Variants in GSE1 observed in about 807,000 individuals in gnomAD.
GSE1 encodes genetic suppressor element 1.
A neutral mutation model predicts 112.6 loss-of-function variants in GSE1; 32 were observed. The observed-to-expected ratio is 0.28, with a 90% confidence interval of 0.21 to 0.38. GSE1 has a LOEUF of 0.38. GSE1 is among the 10% of genes least tolerant of loss of function. The pLI is 1.00. For missense variants in GSE1, 2,348 were observed against 1,699.2 expected, an observed-to-expected ratio of 1.38 and a Z score of -6.71; for synonymous variants, 1,115 against 735.6, an observed-to-expected ratio of 1.52 and a Z score of -8.35.
chr16:85,673,512 G>A lies in GSE1; in HGVS notation c.*973G>A, dbSNP rs368658638. The A allele has an allele frequency of 3.5e-5, 5 of 143,882 alleles. No individual in the cohort carries two copies. The highest frequency in any genetic ancestry group is 7.6e-5 in the Non-Finnish European group (5 of 66,100). 8.9% of individuals were successfully genotyped at this position (143,882 alleles called of 1,614,324 possible). A position where few individuals can be genotyped will look rare whatever the true frequency, so the allele number is the denominator to read the frequency against. On this transcript the variant is annotated 3_prime_UTR_variant, in exon 16 of 16. Coordinates refer to ENST00000253458, the MANE Select transcript of GSE1 (RefSeq NM_014615.5). The stretch of plus-strand genomic sequence containing the variant: ...AAAAAAAACCTTGCTTTTAGTGTTT[G>A]TACTGCTGCTGGTCAGGACATTAAA...
intron 1 of GSE1, among the ~76,000 whole-genome samples, chr16:85,175,895 G>A (rs1023003092): frequency 1.3e-5 from 2 of 152,156 alleles, no homozygotes; most frequent in Non-Finnish European, 2.9e-5. Flanking sequence ...CTTGTCCAAG[G>A]TCACTCAGCT....
intron 1 of GSE1, among the ~76,000 whole-genome samples, chr16:85,235,245 C>T (rs975317727): frequency 2.0e-5 from 3 of 152,044 alleles, no homozygotes; most frequent in East Asian, 1.9e-4. Context: ...AAGCTCCCAA[C>T]CCCCCGGCCG....
At chr16:85,318,298 C>G (rs2046028210) in intron 1 of GSE1, among the ~76,000 whole-genome samples, 1 of 152,208 alleles carries the variant, frequency 6.6e-6, no homozygotes, top group African/African-American at 2.4e-5. Flanking sequence ...GGGTCTTACT[C>G]TGGGCCCCAG....
At chr16:85,284,332 G>T (rs899774001) in intron 1 of GSE1, among the ~76,000 whole-genome samples, 1 of 152,208 alleles carries the variant, frequency 6.6e-6, no homozygotes. Context: ...AGCAGGCCGA[G>T]GGAAAGAGAG....
rs144051369 is a variant in GSE1 at position 85,208,526 on chromosome 16, C to T, written c.2283+36719C>T. Among the ~76,000 whole-genome samples, 340 of 152,352 alleles carry T rather than the reference C, an allele frequency of 2.2e-3. 2 individuals carry two copies. The highest frequency in any genetic ancestry group is 0.01 in the Middle Eastern group (3 of 294). ...TTCAGGTCCTCGTCCCCCACACCAC[C>T]TGTCCCCTTTCACATGATTCCAAAG... On this transcript the variant is annotated intron_variant, in intron 1 of 2. Coordinates refer to the GSE1 transcript ENST00000637419.
chr16:85,499,500 C>T (rs575900689), intron 2 of GSE1, among the ~76,000 whole-genome samples: 166 of 151,748 alleles, frequency 1.1e-3, no homozygotes, highest in Non-Finnish European at 1.9e-3. Context: ...TTAGTAGAGA[C>T]GGGATTTCAC....
At chr16:85,636,646 C>T (rs1344629048) in intron 2 of GSE1, among the ~76,000 whole-genome samples, 9 of 151,556 alleles carry the variant, frequency 5.9e-5, no homozygotes, top group Admixed American at 3.3e-4. Flanking sequence ...GCAGCCACAG[C>T]GGGTGGGGTC....
rs762272874 is a variant in GSE1, at chr16:85,654,802, G to C, written c.608G>C (p.Arg203Pro). ...DSRFPPLNLQ[R>P]PVHHVVPPST... ...ACTATCCCCGCCTGCAGCCTCCAGCGGCCCGTGCACCACGTGGTGCCCCCC... is the reference window on the plus strand; with the variant it reads ...ACTATCCCCGCCTGCAGCCTCCAGCCGCCCGTGCACCACGTGGTGCCCCCC... The change falls in exon 5 of 16, where the codon CGG (arginine) becomes CCG (proline). Residue 203 changes from arginine to proline, a missense_variant. By Grantham distance (103) the Arg-to-Pro change is moderately radical (BLOSUM62 -2). Transcript: ENST00000253458. 3.5e-5 allele frequency: 56 copies of C among 1,609,474 alleles called. No homozygotes were observed. Among genetic ancestry groups the C allele is most frequent in the Admixed American group, 1.7e-5 (1 of 59,848 alleles).
At chr16:85,279,976 C>T (rs1368329718) in intron 1 of GSE1, among the ~76,000 whole-genome samples, 1 of 152,180 alleles carries the variant, frequency 6.6e-6, no homozygotes, top group African/African-American at 2.4e-5. Context: ...ACTCAGTTCT[C>T]CCCACACACA....
At chr16:85,511,481 TTG>T (rs1174090681) in intron 2 of GSE1, among the ~76,000 whole-genome samples, 1 of 151,222 alleles carries the variant, frequency 6.6e-6, no homozygotes, top group African/African-American at 2.4e-5. Context: ...TGAGTCGAGA[TTG>T]TGCCATTGCA....
chr16:85,596,872 C>T (rs1326924459), intron 1 of GSE1, among the ~76,000 whole-genome samples: 3 of 152,140 alleles, frequency 2.0e-5, no homozygotes, highest in African/African-American at 7.2e-5. Flanking sequence ...CCTGTCTCTA[C>T]TAAAAATACA....
intron 2 of GSE1, among the ~76,000 whole-genome samples, chr16:85,446,411 G>T (rs1311234093): frequency 2.0e-5 from 3 of 152,176 alleles, no homozygotes; most frequent in African/African-American, 7.2e-5. Flanking sequence ...GAGACGATCT[G>T]CTGTAAGCTC....
intron 1 of GSE1, among the ~76,000 whole-genome samples, chr16:85,258,775 G>C (rs1907351526): frequency 6.6e-6 from 1 of 152,212 alleles, no homozygotes; most frequent in Admixed American, 6.5e-5. Context: ...GTTGGCGCTT[G>C]TCAGGCCCGC....
At chr16:85,403,130 C>T (rs2048158098) in intron 2 of GSE1, among the ~76,000 whole-genome samples, 1 of 151,982 alleles carries the variant, frequency 6.6e-6, no homozygotes, top group African/African-American at 2.4e-5. Context: ...GGGATAGAGG[C>T]CTCAGTTCCT....
chr16:85,558,245 T>G (rs1253998628), intron 1 of GSE1, among the ~76,000 whole-genome samples: 1 of 152,174 alleles, frequency 6.6e-6, no homozygotes, highest in African/African-American at 2.4e-5. Context: ...GTATCTGGGT[T>G]TTTCTCGTCT....
At chr16:85,634,648 G>A (rs953735324) in intron 2 of GSE1, among the ~76,000 whole-genome samples, 2 of 152,124 alleles carry the variant, frequency 1.3e-5, no homozygotes, top group Admixed American at 6.5e-5. Context: ...AGACTGTGGG[G>A]AGCATAGACA....
intron 2 of GSE1, among the ~76,000 whole-genome samples, chr16:85,550,797 C>T (rs1476299350): frequency 6.6e-6 from 1 of 152,200 alleles, no homozygotes; most frequent in African/African-American, 2.4e-5. Context: ...GTCTGGGGAC[C>T]CTCCATTTTG....
intron 3 of GSE1, among the ~76,000 whole-genome samples, chr16:85,649,149 C>A (rs970708909): frequency 6.6e-6 from 1 of 152,194 alleles, no homozygotes; most frequent in Non-Finnish European, 1.5e-5. Flanking sequence ...CTCCTCTTCT[C>A]ATAAGGACAC....
intron 8 of GSE1, among the ~76,000 whole-genome samples, chr16:85,658,959 G>A (rs959926890): frequency 2.2e-4 from 34 of 152,232 alleles, no homozygotes; most frequent in African/African-American, 5.5e-4. Flanking sequence ...CCCTGTGGCC[G>A]GCTGCACACG....
Sources: gnomAD v4.1 joint callset for allele counts (sites outside exome capture counted in the v4.1 genomes callset) on GRCh38, gnomAD v4.1.1 for gene constraint, MANE v1.5 for transcripts, NCBI Gene and HGNC (gene_info 2026-07-23, HGNC 2026-07-21) for gene names.